Variants in LANCL1 observed in about 807,000 individuals in gnomAD.
The protein encoded by LANCL1 is LanC like glutathione S-transferase 1.
A neutral mutation model predicts 50.6 loss-of-function variants in LANCL1; 50 were observed. The observed-to-expected ratio is 0.99, with a 90% confidence interval of 0.79 to 1.25. The LOEUF is 1.25. Among genes scored for constraint, LANCL1 ranks in the 50% most tolerant of loss-of-function variants. The probability of loss-of-function intolerance (pLI) is 0.00; values close to 1 mark genes in which losing one functional copy is unlikely to be tolerated. For missense variants in LANCL1, 532 were observed against 480.7 expected, an observed-to-expected ratio of 1.11 and a Z score of -1.00; for synonymous variants, 188 against 178.6, an observed-to-expected ratio of 1.05 and a Z score of -0.42.
intron 4 of LANCL1, among the ~76,000 whole-genome samples, chr2:210,444,814 T>C (rs1252034549): frequency 6.6e-6 from 1 of 152,162 alleles, no homozygotes; most frequent in Non-Finnish European, 1.5e-5. Flanking sequence ...GATAGAATTA[T>C]GGGCCATTTT....
intron 2 of LANCL1, among the ~76,000 whole-genome samples, chr2:210,473,625 G>C (rs1694281786): frequency 6.6e-6 from 1 of 152,046 alleles, no homozygotes. Flanking sequence ...ACTGAAAACA[G>C]CAAGAAGGCA....
Position 210,441,451 on chromosome 2 carries a change from TAA to T in LANCL1, c.408-10_408-9del. On this transcript the variant is annotated splice_polypyrimidine_tract_variant and intron_variant, in intron 4 of 9. Transcript: ENST00000450366. ...TTATTTAGGTGAATTAGCCTAAAAA[TAA>T]AAATACATGCCCCAAATAATTTGAA... The T allele has an allele frequency of 1.3e-6, 2 of 1,599,456 alleles. No individual in the cohort carries two copies. Among genetic ancestry groups the T allele is most frequent in the Non-Finnish European group, 1.7e-6 (2 of 1,172,134 alleles).
intron 7 of LANCL1, 95 bp downstream of exon 7, chr2:210,437,595 T>C: frequency 1.5e-6 from 1 of 678,178 alleles, no homozygotes; most frequent in Non-Finnish European, 2.3e-6. Context: ...ACAAGAGATT[T>C]ATTTATTGTT....
At chr2:210,477,142 C>A (rs1424052433), upstream of LANCL1, among the ~76,000 whole-genome samples, 1 of 151,970 alleles carries the variant, frequency 6.6e-6, no homozygotes, top group Admixed American at 6.6e-5. Context: ...CTTTTCTTTT[C>A]ATTTCTTAAA....
In LANCL1 at chr2:210,435,463, A is replaced by G; in HGVS notation, c.1051-4T>C. 1 of 1,611,150 alleles carries G rather than the reference A, an allele frequency of 6.2e-7. No homozygotes were observed. Among genetic ancestry groups the G allele is most frequent in the Non-Finnish European group, 8.5e-7 (1 of 1,177,380 alleles). On this transcript the variant is annotated splice_polypyrimidine_tract_variant and splice_region_variant and intron_variant, in intron 8 of 9. Coordinates refer to ENST00000450366, the MANE Select transcript of LANCL1 (RefSeq NM_006055.3). Reference sequence around the variant, plus strand: ...ACTCTAAGCACCATTCAGCAAACTGAAAATGAGACCAAGTTAAATTAGTAT... The same window carrying G: ...ACTCTAAGCACCATTCAGCAAACTGGAAATGAGACCAAGTTAAATTAGTAT...
At chr2:210,439,846 G>A (rs1156673073) in intron 6 of LANCL1, among the ~76,000 whole-genome samples, 1 of 152,142 alleles carries the variant, frequency 6.6e-6, no homozygotes, top group Non-Finnish European at 1.5e-5. Context: ...TTATGCCACA[G>A]TGTGCCTTGG....
chr2:210,447,263 G>A (rs879411964), intron 4 of LANCL1, among the ~76,000 whole-genome samples: 2 of 152,088 alleles, frequency 1.3e-5, no homozygotes, highest in Admixed American at 6.6e-5. Context: ...CATAAGCAAA[G>A]GAGAAATGGA....
chr2:210,472,011 T>G lies in LANCL1; in HGVS notation c.147A>C (p.Arg49Ser). 6.2e-7 allele frequency: 1 copy of G among 1,614,126 alleles called. No individual in the cohort carries two copies. The highest frequency in any genetic ancestry group is 8.5e-7 in the Non-Finnish European group (1 of 1,180,010). The part of the protein sequence containing the change: ...KIRELLQQME[R>S]GLKSADPRDG... ...CCCGAGGGTCTGCTGATTTCAGGCC[T>G]CTCTCCATTTGCTGAAGAAGCTCCC... Residue 49 changes from arginine (R) to serine (S), a missense_variant, in exon 3 of 10, where the codon AGA becomes AGC. Transcript: ENST00000450366.
chr2:210,464,198 G>A (rs1340992664), intron 3 of LANCL1, among the ~76,000 whole-genome samples: 3 of 152,086 alleles, frequency 2.0e-5, no homozygotes, highest in Non-Finnish European at 4.4e-5. Context: ...CTGAACTAGC[G>A]TTAATTATCA....
intron 4 of LANCL1, among the ~76,000 whole-genome samples, chr2:210,453,241 AAAAACAAC>A (rs1693564011): frequency 6.6e-6 from 1 of 152,254 alleles, no homozygotes; most frequent in South Asian, 2.1e-4. Context: ...CCAATATACC[AAAAACAAC>A]AAAAATCTTA....
rs1217499071 is a variant in LANCL1, at chr2:210,434,160, G to C, written c.*327C>G. 1 of 189,904 alleles carries C rather than the reference G, an allele frequency of 5.3e-6. No individual in the cohort carries two copies. The highest frequency in any genetic ancestry group is 1.1e-5 in the Non-Finnish European group (1 of 93,306). 11.8% of individuals were successfully genotyped at this position (189,904 alleles called of 1,614,324 possible). On this transcript the variant is annotated 3_prime_UTR_variant, in exon 10 of 10. Transcript: ENST00000450366. ...GTTTCTTTTAAACATTTTTAGAACA[G>C]TAACAGATGGTTATATTCATAAACT...
chr2:210,432,817 A>G lies in LANCL1; in HGVS notation c.*1670T>C, dbSNP rs999430926. The G allele has an allele frequency of 1.3e-5, 2 of 152,238 alleles. No individual in the cohort carries two copies. The highest frequency in any genetic ancestry group is 4.8e-5 in the African/African-American group (2 of 41,468). The allele number at this position is 152,238 out of a possible 1,614,324, so 9.4% of individuals were successfully genotyped here. A position where few individuals can be genotyped will look rare whatever the true frequency, so the allele number is the denominator to read the frequency against. On this transcript the variant is annotated 3_prime_UTR_variant, in exon 10 of 10. Transcript: ENST00000450366. ...AGAAAGGCAGAGCATGCACATGCTT[A>G]CCAGCAGCACTTCAGCAATCTGAGA...
chr2:210,447,000 GCAC>G (rs1024371154), intron 4 of LANCL1, among the ~76,000 whole-genome samples: 14 of 151,758 alleles, frequency 9.2e-5, no homozygotes, highest in South Asian at 2.1e-4. Context: ...GAAACAGAAA[GCAC>G]CACAAAGATA....
chr2:210,470,142 A>G (rs1260238800), intron 3 of LANCL1, among the ~76,000 whole-genome samples: 2 of 152,234 alleles, frequency 1.3e-5, no homozygotes, highest in Admixed American at 1.3e-4. Context: ...TTTTAAATAA[A>G]TAGTAATGTT....
At chr2:210,462,408 G>A (rs968455299) in intron 3 of LANCL1, among the ~76,000 whole-genome samples, 1 of 152,196 alleles carries the variant, frequency 6.6e-6, no homozygotes, top group African/African-American at 2.4e-5. Context: ...TCAATATCAT[G>A]ATGCATTACG....
rs1387942314 is a variant in LANCL1, at chr2:210,432,144, C to A, written c.*2343G>T. ...ACTAAGAAGCCTAGTATAAAAGTTT[C>A]TTTAGTTACTACCATGTTGTTAGGG... On this transcript the variant is annotated 3_prime_UTR_variant, in exon 10 of 10. Coordinates refer to ENST00000450366, the MANE Select transcript of LANCL1 (RefSeq NM_006055.3). 1 of 152,152 alleles carries A rather than the reference C, an allele frequency of 6.6e-6. No homozygotes were observed. Among genetic ancestry groups the A allele is most frequent in the East Asian group, 1.9e-4 (1 of 5,202 alleles). The allele number at this position is 152,152 out of a possible 1,614,324, so 9.4% of individuals were successfully genotyped here. A position where few individuals can be genotyped will look rare whatever the true frequency, so the allele number is the denominator to read the frequency against.
chr2:210,465,447 A>G (rs1694023688), intron 3 of LANCL1, among the ~76,000 whole-genome samples: 1 of 152,208 alleles, frequency 6.6e-6, no homozygotes, highest in Admixed American at 6.5e-5. Context: ...GTTGCCTGCC[A>G]TTTTAAGATA....
chr2:210,450,358 G>T (rs572217453), intron 4 of LANCL1, among the ~76,000 whole-genome samples: 2 of 152,262 alleles, frequency 1.3e-5, no homozygotes, highest in East Asian at 3.9e-4. Flanking sequence ...ATGGATTAAA[G>T]ACTTAAATGT....
Position 210,455,161 on chromosome 2 carries a change from G to A in LANCL1, c.353C>T (p.Ala118Val). Residue 118 changes from alanine (A) to valine (V), a missense_variant, in exon 4 of 10, where the codon GCT becomes GTT. Transcript: ENST00000450366. Reference sequence around the variant, plus strand: ...ATTGTTCATCTTGTGATATAGCACAGCGGCCACTGCCAGGGGGCCTGCATC... The same window carrying A: ...ATTGTTCATCTTGTGATATAGCACAACGGCCACTGCCAGGGGGCCTGCATC... The part of the protein sequence containing the change: ...CGDAGPLAVA[A>V]VLYHKMNNEK... 6.2e-7 allele frequency: 1 copy of A among 1,613,722 alleles called. No individual in the cohort carries two copies.
Sources: allele counts gnomAD v4.1 joint callset (sites outside exome capture counted in the v4.1 genomes callset), GRCh38; gene constraint gnomAD v4.1.1; transcripts MANE v1.5; gene names NCBI Gene and HGNC (gene_info 2026-07-23, HGNC 2026-07-21).